The following ATXN1 variants were observed in gnomAD, a reference collection of about 807,000 sequenced individuals.
The protein encoded by ATXN1 is ataxin 1, also known as ataxin-1.
ATXN1 carries 8 observed loss-of-function variants against 56.4 expected under a neutral mutation model. That is an observed-to-expected ratio of 0.14 (90% CI 0.08 to 0.26). ATXN1 has a LOEUF of 0.26. Ranked by LOEUF, ATXN1 falls within the 10% of genes least tolerant of loss-of-function variation. ATXN1 has a pLI of 1.00. For synonymous variants in ATXN1, 514 were observed against 494.6 expected, an observed-to-expected ratio of 1.04 and a Z score of -0.52; for missense variants, 987 against 1,106.5, an observed-to-expected ratio of 0.89 and a Z score of 1.53.
chr6:16,327,486 C>A lies in ATXN1; in HGVS notation c.825G>T (p.Thr275=). The A allele has an allele frequency of 6.2e-7, 1 of 1,613,056 alleles. No homozygotes were observed. Among genetic ancestry groups the A allele is most frequent in the Non-Finnish European group, 8.5e-7 (1 of 1,179,850 alleles). The change falls in exon 7 of 8, where the codon ACG becomes ACT. Residue 275 remains threonine (T), a synonymous_variant. Transcript: ENST00000436367. Reference sequence around the variant, plus strand: ...CCAGGGTGAGCGTGTGTGGGATCATCGTCTGGTGGGGGTGGAGGTGGACGG... The same window carrying A: ...CCAGGGTGAGCGTGTGTGGGATCATAGTCTGGTGGGGGTGGAGGTGGACGG... ...AIPVHLHPHQ[T]MIPHTLTLGP... is the part of the protein sequence containing the mutation.
chr6:16,426,789 G>A (rs1366208966), intron 6 of ATXN1, among the ~76,000 whole-genome samples: 1 of 150,618 alleles, frequency 6.6e-6, no homozygotes, highest in African/African-American at 2.4e-5. Context: ...CCTCTATCCA[G>A]CATCCCCTTG....
At chr6:16,333,765 T>C (rs1761047058) in intron 6 of ATXN1, among the ~76,000 whole-genome samples, 1 of 152,200 alleles carries the variant, frequency 6.6e-6, no homozygotes, top group African/African-American at 2.4e-5. Flanking sequence ...TACTTGGGCA[T>C]GTCAAGGATT....
chr6:16,638,460 A>C (rs978305218), intron 3 of ATXN1, among the ~76,000 whole-genome samples: 6 of 137,458 alleles, frequency 4.4e-5, no homozygotes, highest in African/African-American at 1.3e-4. Context: ...AAAAAAAAAA[A>C]AAAAAAAACT....
chr6:16,472,719 C>G (rs764369808), intron 6 of ATXN1, among the ~76,000 whole-genome samples: 9 of 152,208 alleles, frequency 5.9e-5, no homozygotes, highest in Admixed American at 1.3e-4. Context: ...AGGCTCCGAG[C>G]ATGCCCTGGG....
intron 6 of ATXN1, among the ~76,000 whole-genome samples, chr6:16,438,925 TG>T (rs1759447247): frequency 2.0e-5 from 3 of 152,254 alleles, no homozygotes; most frequent in Middle Eastern, 3.4e-3. Flanking sequence ...CAATTCAAGT[TG>T]CTATTCTGGA....
At chr6:16,541,313 C>T (rs1386894485) in intron 4 of ATXN1, among the ~76,000 whole-genome samples, 8 of 152,230 alleles carry the variant, frequency 5.3e-5, no homozygotes, top group East Asian at 3.8e-4. Flanking sequence ...CACCCATTTA[C>T]GACTCTGACC....
intron 5 of ATXN1, among the ~76,000 whole-genome samples, chr6:16,510,181 G>A (rs1410650042): frequency 6.6e-6 from 1 of 152,024 alleles, no homozygotes; most frequent in Non-Finnish European, 1.5e-5. Flanking sequence ...AATCAAATAT[G>A]GCTTCTGTCT....
rs3806130 is a variant in ATXN1, at chr6:16,473,748, A to C, written c.-161+12224T>G. On this transcript the variant is annotated intron_variant, in intron 6 of 7. Transcript: ENST00000436367. ...TCATACGGATATTGCTGATGACCTG[A>C]GCCTCTGTCTTTTCTGCTCTACCTT... Among the ~76,000 whole-genome samples, 6 of 152,264 alleles carry C rather than the reference A, an allele frequency of 3.9e-5. No homozygotes were observed. In the East Asian group the frequency reaches 9.7e-4, roughly 25 times the overall value.
At chr6:16,395,764 TC>T (rs1479645147) in intron 6 of ATXN1, among the ~76,000 whole-genome samples, 16 of 152,082 alleles carry the variant, frequency 1.1e-4, no homozygotes, top group African/African-American at 3.4e-4. Flanking sequence ...ATGCCTGTAA[TC>T]CCAGCACTTT....
chr6:16,315,808 A>C (rs1389794787), intron 7 of ATXN1, among the ~76,000 whole-genome samples: 1 of 152,100 alleles, frequency 6.6e-6, no homozygotes, highest in Non-Finnish European at 1.5e-5. Context: ...GACCACATGC[A>C]TGCACCACCA....
chr6:16,698,505 A>G (rs1395917018), intron 2 of ATXN1, among the ~76,000 whole-genome samples: 1 of 152,218 alleles, frequency 6.6e-6, no homozygotes, highest in Admixed American at 6.5e-5. Flanking sequence ...AAGACTGTTC[A>G]GCATATAGAC....
Position 16,306,294 on chromosome 6 carries a change from A to T in ATXN1, c.*35T>A, listed in dbSNP as rs746244583. On this transcript the variant is annotated 3_prime_UTR_variant, in exon 8 of 8. Coordinates refer to ENST00000436367, the MANE Select transcript of ATXN1 (RefSeq NM_001128164.2). This position sits in a 1 kb window ranked among gnomAD's most constrained non-coding sequence, Gnocchi z 5.2. Reference sequence around the variant, plus strand: ...TACAGTAATCTGGATACAAATGATAAGGGAGAGCCACGTTTCCTTTCCCCC... The same window carrying T: ...TACAGTAATCTGGATACAAATGATATGGGAGAGCCACGTTTCCTTTCCCCC... 10 of 1,559,278 alleles carry T rather than the reference A, an allele frequency of 6.4e-6. No homozygotes were observed. Among genetic ancestry groups the T allele is most frequent in the Non-Finnish European group, 8.6e-6 (10 of 1,158,526 alleles).
At chr6:16,640,043 G>T (rs1013894299) in intron 3 of ATXN1, among the ~76,000 whole-genome samples, 3 of 152,042 alleles carry the variant, frequency 2.0e-5, no homozygotes, top group Non-Finnish European at 4.4e-5. Context: ...ATTTCACTTT[G>T]TTGTCCTTTG....
chr6:16,544,735 TG>T (rs1561748436), intron 4 of ATXN1, among the ~76,000 whole-genome samples: 1 of 152,170 alleles, frequency 6.6e-6, no homozygotes, highest in African/African-American at 2.4e-5. Context: ...CCTCCTTGCC[TG>T]CAGCTTGCAT....
chr6:16,656,655 T>C (rs1758208374), intron 3 of ATXN1, among the ~76,000 whole-genome samples: 1 of 152,206 alleles, frequency 6.6e-6, no homozygotes, highest in African/African-American at 2.4e-5. Context: ...AAATGTTTGC[T>C]GAACAGGACT....
intron 2 of ATXN1, among the ~76,000 whole-genome samples, chr6:16,748,661 T>C (rs752259452): frequency 2.0e-5 from 3 of 152,252 alleles, no homozygotes; most frequent in Non-Finnish European, 4.4e-5. Context: ...GTTGGCATAA[T>C]GCGTCTCATA....
rs1230525764 is a variant in ATXN1 at position 16,457,360 on chromosome 6, T to A, written c.-161+28612A>T. ...TCCGAACAGCAGGATCCAGGGACTG[T>A]TGTGGGTTCTTGGGCAGGGAGAAGA... On this transcript the variant is annotated intron_variant, in intron 6 of 7. Coordinates refer to ENST00000436367, the MANE Select transcript of ATXN1 (RefSeq NM_001128164.2). Among the ~76,000 whole-genome samples the A allele has an allele frequency of 2.6e-5, 4 of 151,836 alleles. No homozygotes were observed. In the East Asian group the frequency reaches 7.8e-4, roughly 29 times the overall value.
At chr6:16,655,548 G>C (rs1758180351) in intron 3 of ATXN1, among the ~76,000 whole-genome samples, 1 of 152,030 alleles carries the variant, frequency 6.6e-6, no homozygotes, top group Admixed American at 6.5e-5. Flanking sequence ...CATAAAGAGA[G>C]ACCAGTCAGC....
At chr6:16,695,584 T>C (rs961425444) in intron 2 of ATXN1, among the ~76,000 whole-genome samples, 1 of 152,206 alleles carries the variant, frequency 6.6e-6, no homozygotes, top group Non-Finnish European at 1.5e-5. Context: ...GCTTCTGAAG[T>C]TCTTAGTCTA....
Sources: allele counts gnomAD v4.1 joint callset (sites outside exome capture counted in the v4.1 genomes callset), GRCh38; gene constraint gnomAD v4.1.1; non-coding constraint Gnocchi (gnomAD v3.1); transcripts MANE v1.5; gene names NCBI Gene and HGNC (gene_info 2026-07-23, HGNC 2026-07-21).